Variants in CSMD2 observed in about 807,000 individuals in gnomAD.
CSMD2 encodes the protein CUB and sushi domain-containing protein 2.
CSMD2 carries 130 observed loss-of-function variants against 398.5 expected under a neutral mutation model. That is an observed-to-expected ratio of 0.33 (90% CI 0.28 to 0.38). CSMD2 has a LOEUF of 0.38. Among genes scored for constraint, CSMD2 ranks in the 10% least tolerant of loss-of-function variants. The probability of loss-of-function intolerance (pLI) is 1.00; values close to 1 mark genes in which losing one functional copy is unlikely to be tolerated. For synonymous variants in CSMD2, 1,828 were observed against 1,908.5 expected (o/e 0.96, Z 1.10); for missense variants, 3,829 against 4,764.9 (o/e 0.80, Z 5.78).
intron 3 of CSMD2, among the ~76,000 whole-genome samples, chr1:33,943,171 A>T (rs1254515404): frequency 6.6e-6 from 1 of 152,244 alleles, no homozygotes; most frequent in Non-Finnish European, 1.5e-5. Flanking sequence ...AATTTGAAAG[A>T]TTAATTTTTA....
intron 2 of CSMD2, among the ~76,000 whole-genome samples, chr1:34,065,641 C>A (rs181759370): frequency 1.3e-5 from 2 of 152,060 alleles, no homozygotes; most frequent in Admixed American, 6.6e-5. Context: ...CTGTGCAATG[C>A]GGGTGAATGG....
chr1:33,633,968 CTG>C lies in CSMD2; in HGVS notation c.5087-435_5087-434del, dbSNP rs905976488. On this transcript the variant is annotated intron_variant, in intron 31 of 70. Transcript: ENST00000373381. The surrounding 1 kb of genome is among the most constrained non-coding windows in gnomAD (Gnocchi z 5.0). Reference sequence around the variant, plus strand: ...TTAGTCAGTGTCATTGAGTTGAAAACTGTATACAGAGATCTGTAGTCAGTGCT... The same window carrying C: ...TTAGTCAGTGTCATTGAGTTGAAAACTATACAGAGATCTGTAGTCAGTGCT... 1.3e-5 allele frequency among the ~76,000 whole-genome samples: 2 copies of C among 152,210 alleles called. No individual in the cohort carries two copies. Among genetic ancestry groups the C allele is most frequent in the African/African-American group, 4.8e-5 (2 of 41,448 alleles).
chr1:33,665,766 C>T (rs1434446145), intron 25 of CSMD2, among the ~76,000 whole-genome samples: 1 of 151,986 alleles, frequency 6.6e-6, no homozygotes. Context: ...ATTACTCTTC[C>T]AAATTGACAC....
chr1:34,140,098 A>G (rs376768279), intron 1 of CSMD2, among the ~76,000 whole-genome samples: 3 of 152,190 alleles, frequency 2.0e-5, no homozygotes, highest in Non-Finnish European at 2.9e-5. Context: ...AGCAAGCTTG[A>G]TAATAATAAA....
At position 33,624,901 on chromosome 1, in the gene CSMD2, TG is replaced by T; in HGVS notation, c.5500+149del. 6 of 892,682 alleles carry T rather than the reference TG, an allele frequency of 6.7e-6. No homozygotes were observed. Among genetic ancestry groups the T allele is most frequent in the Admixed American group, 2.2e-5 (1 of 45,146 alleles). 55.3% of individuals were successfully genotyped at this position (892,682 alleles called of 1,614,324 possible). A position where few individuals can be genotyped will look rare whatever the true frequency, so the allele number is the denominator to read the frequency against. On this transcript the variant is annotated intron_variant, in intron 34 of 70. Transcript: ENST00000373381. This position sits in a 1 kb window ranked among gnomAD's most constrained non-coding sequence, Gnocchi z 4.7. The stretch of plus-strand genomic sequence containing the variant: ...TCACACAGCCCACAGCGCCGGGGAC[TG>T]GGGTTGACTGGGACACCCCACCTCA...
chr1:33,842,511 G>A (rs1660956865), intron 6 of CSMD2, among the ~76,000 whole-genome samples: 1 of 151,976 alleles, frequency 6.6e-6, no homozygotes, highest in Non-Finnish European at 1.5e-5. Flanking sequence ...TACCTATCCT[G>A]CTTGCTTTTC....
chr1:34,129,622 A>G (rs751608772), intron 1 of CSMD2, among the ~76,000 whole-genome samples: 22 of 152,214 alleles, frequency 1.4e-4, no homozygotes, highest in Non-Finnish European at 2.2e-4. Context: ...ACTGTACTCC[A>G]GCCTAGGCGA....
At chr1:34,063,187 C>A (rs1570976710) in intron 2 of CSMD2, among the ~76,000 whole-genome samples, 1 of 152,134 alleles carries the variant, frequency 6.6e-6, no homozygotes, top group East Asian at 1.9e-4. Flanking sequence ...GGGGACACAG[C>A]CAAACCATAT....
rs560293352 is a variant in CSMD2 at position 34,091,414 on chromosome 1, G to A, written c.188-2221C>T. Among the ~76,000 whole-genome samples the A allele has an allele frequency of 6.6e-5, 10 of 152,186 alleles. No individual in the cohort carries two copies. In the South Asian group the frequency reaches 8.3e-4, roughly 13 times the overall value. On this transcript the variant is annotated intron_variant, in intron 1 of 70. Transcript: ENST00000373381. ...TTACTATCATCTCCATTTTACAGACGAAGAACTAAGGCAGAAAGAAATTAA... is the reference window on the plus strand; with the variant it reads ...TTACTATCATCTCCATTTTACAGACAAAGAACTAAGGCAGAAAGAAATTAA...
intron 44 of CSMD2, among the ~76,000 whole-genome samples, chr1:33,595,937 T>G (rs1263421747): frequency 1.3e-5 from 2 of 152,224 alleles, no homozygotes; most frequent in African/African-American, 4.8e-5. Flanking sequence ...CAAACACACA[T>G]GTACTCAAAC....
At chr1:34,061,738 T>A (rs144500272) in intron 2 of CSMD2, among the ~76,000 whole-genome samples, 168 of 152,282 alleles carry the variant, frequency 1.1e-3, no homozygotes, top group African/African-American at 3.8e-3. Context: ...ATATTATTAC[T>A]CAGATGAGTG....
chr1:33,868,690 T>G (rs1438903233), intron 5 of CSMD2, among the ~76,000 whole-genome samples: 1 of 152,038 alleles, frequency 6.6e-6, no homozygotes, highest in Non-Finnish European at 1.5e-5. Context: ...GAGCCCAGAT[T>G]GCACCATTGC....
At chr1:33,866,475 G>A (rs995978595) in intron 5 of CSMD2, among the ~76,000 whole-genome samples, 1 of 152,222 alleles carries the variant, frequency 6.6e-6, no homozygotes, top group Non-Finnish European at 1.5e-5. Flanking sequence ...TAGGCATGCT[G>A]GCAAAATTCC....
chr1:33,945,943 T>A (rs1165488845), intron 3 of CSMD2, among the ~76,000 whole-genome samples: 1 of 152,232 alleles, frequency 6.6e-6, no homozygotes, highest in Non-Finnish European at 1.5e-5. Context: ...TAGCTAAATA[T>A]GCAATTTGAG....
At chr1:33,990,144 C>T (rs1040582507) in intron 3 of CSMD2, among the ~76,000 whole-genome samples, 11 of 151,708 alleles carry the variant, frequency 7.3e-5, no homozygotes, top group African/African-American at 1.7e-4. Context: ...TGGTGGCCTG[C>T]GCCTGTAATC....
rs546756990 is a variant in CSMD2, at chr1:33,592,638, T to C, written c.6857-5470A>G. On this transcript the variant is annotated intron_variant, in intron 44 of 70. Coordinates refer to ENST00000373381, the MANE Select transcript of CSMD2 (RefSeq NM_001281956.2). ...GGGCATCTTTCTGCAACCTTCCTAA[T>C]TGGATAATCACTTTAAAAATTATCA... The C allele has an allele frequency of 3.4e-5, 22 of 651,300 alleles. No individual in the cohort carries two copies. The South Asian group carries it at 3.5e-4, about 10-fold the overall frequency. 40.3% of individuals were successfully genotyped at this position (651,300 alleles called of 1,614,324 possible). A position where few individuals can be genotyped will look rare whatever the true frequency, so the allele number is the denominator to read the frequency against.
intron 1 of CSMD2, among the ~76,000 whole-genome samples, chr1:34,148,795 G>A (rs1362566903): frequency 6.6e-6 from 1 of 152,194 alleles, no homozygotes; most frequent in Non-Finnish European, 1.5e-5. Context: ...TCTAAAGTCT[G>A]TGCTCAGAGA....
Position 33,772,661 on chromosome 1 carries a change from A to T in CSMD2, c.1754T>A (p.Phe585Tyr). The T allele has an allele frequency of 1.2e-6, 2 of 1,614,130 alleles. No individual in the cohort carries two copies. Among genetic ancestry groups the T allele is most frequent in the Non-Finnish European group, 1.7e-6 (2 of 1,179,994 alleles). Residue 585 changes from phenylalanine to tyrosine, a missense_variant, in exon 13 of 71, where the codon TTT becomes TAT. Phe to Tyr is a conservative substitution (Grantham distance 22, BLOSUM62 3). This residue lies in a region of CSMD2 where 2,001 missense variants were observed against 2,567.1 expected (regional missense o/e 0.78). Coordinates refer to ENST00000373381, the MANE Select transcript of CSMD2 (RefSeq NM_001281956.2). ...CAGCTCAAAGGCGGGCTGGCACTCA[A>T]ACTTGAGTGTGTCACCGTGGTGAAA... The part of the protein sequence containing the change: ...SRFHHGDTLK[F>Y]ECQPAFELVG...
chr1:33,739,109 T>C (rs1476198707), intron 15 of CSMD2, 31 bp downstream of exon 15: 2 of 1,592,550 alleles, frequency 1.3e-6, no homozygotes, highest in Non-Finnish European at 1.7e-6. Context: ...TGGCTGACAA[T>C]GGCCACTGCT....
Sources: gnomAD v4.1 joint callset for allele counts (sites outside exome capture counted in the v4.1 genomes callset) on GRCh38, gnomAD v4.1.1 for gene constraint, gnomAD v4.1.1 regional missense constraint, Gnocchi (gnomAD v3.1) non-coding constraint, MANE v1.5 for transcripts, NCBI Gene and HGNC (gene_info 2026-07-23, HGNC 2026-07-21) for gene names.